The following MICU3 variants were observed in gnomAD, a reference collection of about 807,000 sequenced individuals.
The protein encoded by MICU3 is mitochondrial calcium uptake 3.
MICU3 carries 62 observed loss-of-function variants against 66.5 expected under a neutral mutation model. The observed-to-expected ratio is 0.93, with a 90% CI of 0.76 to 1.15. MICU3 has a LOEUF of 1.15. Ranked by LOEUF, MICU3 falls within the 50% of genes most tolerant of loss-of-function variation. MICU3 has a pLI of 0.00. For missense variants in MICU3, 779 were observed against 664.4 expected (o/e 1.17, Z -1.90); for synonymous variants, 308 against 240.7 (o/e 1.28, Z -2.59).
chr8:17,030,056 G>A (rs571496902), intron 1 of MICU3, among the ~76,000 whole-genome samples: 5 of 152,166 alleles, frequency 3.3e-5, no homozygotes, highest in South Asian at 2.1e-4. Flanking sequence ...TTCAAAGAGC[G>A]ACTTTGTGTT....
chr8:17,116,197 G>A (rs78285555), intron 12 of MICU3, among the ~76,000 whole-genome samples: 3,723 of 152,208 alleles, frequency 0.024, 181 homozygotes, highest in African/African-American at 0.085. Flanking sequence ...CTGATAGTAG[G>A]TGCTCATTAA....
Position 17,027,287 on chromosome 8 carries a change from C to G in MICU3, c.8C>G (p.Ala3Gly), listed in dbSNP as rs199831377. The change falls in exon 1 of 15, where the codon GCG (alanine) becomes GGG (glycine). Residue 3 changes from alanine to glycine, a missense_variant. By Grantham distance (60) the Ala-to-Gly change is moderately conservative. Transcript: ENST00000318063. MAALRRLLWPPPR... is the reference protein window; with the variant it reads MAGLRRLLWPPPR... ...GTGTGGGCGGCCTCCGCTATGGCTG[C>G]GCTGCGAAGGCTCTTGTGGCCGCCA... 12 of 1,308,846 alleles carry G rather than the reference C, an allele frequency of 9.2e-6. No homozygotes were observed. Among genetic ancestry groups the G allele is most frequent in the Non-Finnish European group, 1.2e-5 (12 of 1,012,386 alleles). 81.1% of individuals were successfully genotyped at this position (1,308,846 alleles called of 1,614,324 possible). A position where few individuals can be genotyped will look rare whatever the true frequency, so the allele number is the denominator to read the frequency against.
At position 17,114,060 on chromosome 8, in the gene MICU3, C is replaced by G. The variant is rs76731887; in HGVS notation, c.1258-33C>G. 501 of 1,288,430 alleles carry G rather than the reference C, an allele frequency of 3.9e-4. No individual in the cohort carries two copies. The African/African-American group carries it at 7.3e-3, about 19-fold the overall frequency. The allele number at this position is 1,288,430 out of a possible 1,614,324, so 79.8% of individuals were successfully genotyped here. A position where few individuals can be genotyped will look rare whatever the true frequency, so the allele number is the denominator to read the frequency against. On this transcript the variant is annotated intron_variant, in intron 11 of 14. Transcript: ENST00000318063. ...CCTGATTTTAATAAATTTGGCAATA[C>G]TAAATGTATTTTCATTTCCTTTCCC... is the stretch of plus-strand genomic sequence containing the variant.
chr8:17,126,736 C>T (rs1233309169), downstream of MICU3, among the ~76,000 whole-genome samples: 2 of 152,120 alleles, frequency 1.3e-5, no homozygotes, highest in Non-Finnish European at 2.9e-5. Flanking sequence ...TAGACTACTT[C>T]TTGAAGTGGG....
intron 4 of MICU3, 124 bp downstream of exon 4, chr8:17,077,985 C>G: frequency 4.1e-6 from 2 of 489,046 alleles, no homozygotes; most frequent in East Asian, 3.5e-5. Context: ...AGAGAAAAAA[C>G]TGAAGAAGAA....
At chr8:17,109,775 G>C (rs1263290076) in intron 11 of MICU3, among the ~76,000 whole-genome samples, 1 of 152,114 alleles carries the variant, frequency 6.6e-6, no homozygotes, top group East Asian at 1.9e-4. Flanking sequence ...ATGGGACTAG[G>C]TAAACTTATC....
intron 1 of MICU3, among the ~76,000 whole-genome samples, chr8:17,036,231 T>C (rs902207974): frequency 1.3e-4 from 20 of 152,150 alleles, no homozygotes; most frequent in African/African-American, 4.6e-4. Flanking sequence ...GAGTTGTTCA[T>C]TCCTGCCGGT....
intron 1 of MICU3, among the ~76,000 whole-genome samples, chr8:17,057,528 A>G (rs1468736255): frequency 6.6e-6 from 1 of 152,220 alleles, no homozygotes; most frequent in Non-Finnish European, 1.5e-5. Context: ...TAACATTGAT[A>G]ATAGCTATAA....
intron 1 of MICU3, among the ~76,000 whole-genome samples, chr8:17,059,701 C>T (rs1817530297): frequency 6.6e-6 from 1 of 152,076 alleles, no homozygotes; most frequent in African/African-American, 2.4e-5. Context: ...AAGTAACCAA[C>T]TGAAAGTGTA....
intron 1 of MICU3, among the ~76,000 whole-genome samples, chr8:17,046,260 C>T (rs1169919909): frequency 1.3e-5 from 2 of 152,114 alleles, no homozygotes; most frequent in South Asian, 2.1e-4. Flanking sequence ...TACACAGTGT[C>T]AGAATTGATT....
intron 11 of MICU3, 94 bp downstream of exon 11, chr8:17,105,678 G>A: frequency 1.6e-6 from 1 of 639,040 alleles, no homozygotes; most frequent in Non-Finnish European, 2.5e-6. Context: ...TGGCTTCTCT[G>A]TGGATTAAAA....
chr8:17,027,707 C>T lies in MICU3; in HGVS notation c.381+47C>T, dbSNP rs1337701531. The T allele has an allele frequency of 3.2e-6, 4 of 1,261,486 alleles. No homozygotes were observed. The African/African-American group carries it at 4.7e-5, about 15-fold the overall frequency. 78.1% of individuals were successfully genotyped at this position (1,261,486 alleles called of 1,614,324 possible). A position where few individuals can be genotyped will look rare whatever the true frequency, so the allele number is the denominator to read the frequency against. On this transcript the variant is annotated intron_variant, in intron 1 of 14. Coordinates refer to ENST00000318063, the MANE Select transcript of MICU3 (RefSeq NM_181723.3). The stretch of plus-strand genomic sequence containing the variant: ...ACACCTGCGCGGGGGATGTGACCTT[C>T]GTGCCGGGTACGCAGGACCCTGGAG...
At chr8:17,082,492 T>G (rs1001180109) in intron 5 of MICU3, among the ~76,000 whole-genome samples, 4 of 152,170 alleles carry the variant, frequency 2.6e-5, no homozygotes, top group Non-Finnish European at 4.4e-5. Flanking sequence ...TCAGACTATT[T>G]GAAAGTATTA....
intron 1 of MICU3, among the ~76,000 whole-genome samples, chr8:17,062,467 G>A (rs1254141893): frequency 6.6e-6 from 1 of 152,056 alleles, no homozygotes; most frequent in Non-Finnish European, 1.5e-5. Context: ...CTCCTGTAAT[G>A]TTTTGAGAAG....
Position 17,041,462 on chromosome 8 carries a change from A to G in MICU3, c.381+13802A>G, listed in dbSNP as rs541493269. ...TGAAGACATTGGAGGTGATAATCAGATTACAGTTGGATAAGCTGAGTAAAT... is the reference window on the plus strand; with the variant it reads ...TGAAGACATTGGAGGTGATAATCAGGTTACAGTTGGATAAGCTGAGTAAAT... On this transcript the variant is annotated intron_variant, in intron 1 of 14. Coordinates refer to ENST00000318063, the MANE Select transcript of MICU3 (RefSeq NM_181723.3). Among the ~76,000 whole-genome samples the G allele has an allele frequency of 2.6e-5, 4 of 152,316 alleles. No homozygotes were observed. The South Asian group carries it at 6.2e-4, about 24-fold the overall frequency.
intron 4 of MICU3, among the ~76,000 whole-genome samples, chr8:17,080,993 T>C (rs1821098327): frequency 6.6e-6 from 1 of 152,124 alleles, no homozygotes; most frequent in Non-Finnish European, 1.5e-5. Context: ...TAGTTTTGGG[T>C]TTTGTATTCC....
At chr8:17,061,964 C>T (rs2150619655) in intron 1 of MICU3, among the ~76,000 whole-genome samples, 1 of 152,296 alleles carries the variant, frequency 6.6e-6, no homozygotes, top group African/African-American at 2.4e-5. Flanking sequence ...GCTGAGCCAA[C>T]TTGTCTTTGG....
rs1387465859 is a variant in MICU3, at chr8:17,053,654, T to A, written c.382-10430T>A. ...CTCATCTTAGTTCTGTCAACATGAC[T>A]TAAAGCATCCACCAAGTTACCTAAA... On this transcript the variant is annotated intron_variant, in intron 1 of 14. Transcript: ENST00000318063. 7.2e-5 allele frequency among the ~76,000 whole-genome samples: 11 copies of A among 152,288 alleles called. No individual in the cohort carries two copies. The East Asian group carries it at 2.1e-3, about 29-fold the overall frequency.
intron 3 of MICU3, 110 bp downstream of exon 3, chr8:17,069,829 A>G (rs888209180): frequency 1.4e-5 from 5 of 361,410 alleles, no homozygotes; most frequent in Non-Finnish European, 8.9e-6. Context: ...TATATATTTT[A>G]TGATTTTTTG....
Sources: gnomAD v4.1 joint callset for allele counts (sites outside exome capture counted in the v4.1 genomes callset) on GRCh38, gnomAD v4.1.1 for gene constraint, MANE v1.5 for transcripts, NCBI Gene and HGNC (gene_info 2026-07-23, HGNC 2026-07-21) for gene names.